The following ERC2 variants were observed in gnomAD, a reference collection of about 807,000 sequenced individuals.
The protein encoded by ERC2 is ELKS/RAB6-interacting/CAST family member 2, also known as ERC protein 2.
In ERC2, 42 loss-of-function variants were observed where a neutral mutation model predicts 114.8. The observed-to-expected ratio is 0.37, with a 90% CI of 0.29 to 0.47. The LOEUF (loss-of-function observed/expected upper bound fraction) is 0.47, where lower values mean the gene tolerates loss of function less well. Among genes scored for constraint, ERC2 ranks in the 20% least tolerant of loss-of-function variants. The probability of loss-of-function intolerance (pLI) is 0.99; values close to 1 mark genes in which losing one functional copy is unlikely to be tolerated. For synonymous variants in ERC2, 454 were observed against 425.5 expected (o/e 1.07, Z -0.82); for missense variants, 939 against 1,150.7 (o/e 0.82, Z 2.66).
chr3:55,913,120 A>G (rs1431719143), intron 13 of ERC2, among the ~76,000 whole-genome samples: 5 of 152,104 alleles, frequency 3.3e-5, no homozygotes, highest in African/African-American at 1.2e-4. Flanking sequence ...TGAGTAGCTA[A>G]GACTATGGGT....
intron 17 of ERC2, among the ~76,000 whole-genome samples, chr3:55,639,474 T>C (rs1294141514): frequency 6.6e-6 from 1 of 151,490 alleles, no homozygotes; most frequent in Non-Finnish European, 1.5e-5. Context: ...AGAGAAAGTA[T>C]AGGCTGGAGA....
chr3:56,301,179 A>C (rs916236417), intron 2 of ERC2, among the ~76,000 whole-genome samples: 5 of 152,236 alleles, frequency 3.3e-5, no homozygotes, highest in African/African-American at 9.6e-5. Flanking sequence ...ATTAAGAAGC[A>C]AAATCTATTT....
At chr3:56,205,401 A>C (rs2048662497) in intron 3 of ERC2, among the ~76,000 whole-genome samples, 1 of 152,140 alleles carries the variant, frequency 6.6e-6, no homozygotes, top group Non-Finnish European at 1.5e-5. Flanking sequence ...AATTTGGGTC[A>C]CTGGAGTGCA....
intron 6 of ERC2, among the ~76,000 whole-genome samples, chr3:56,096,125 T>C (rs1576913239): frequency 1.3e-5 from 2 of 152,284 alleles, no homozygotes; most frequent in East Asian, 1.9e-4. Flanking sequence ...AGAGATAAAG[T>C]AGAGACAATC....
intron 3 of ERC2, among the ~76,000 whole-genome samples, chr3:56,210,437 C>A (rs982957684): frequency 3.9e-5 from 6 of 152,120 alleles, no homozygotes; most frequent in African/African-American, 1.2e-4. Context: ...TTGAGGGAAT[C>A]CATATAGGTG....
chr3:55,813,604 T>A (rs533704677), intron 14 of ERC2, among the ~76,000 whole-genome samples: 1 of 152,336 alleles, frequency 6.6e-6, no homozygotes, highest in East Asian at 1.9e-4. Context: ...ACAAGGTGAC[T>A]GGGAACTGTC....
intron 6 of ERC2, among the ~76,000 whole-genome samples, chr3:56,111,435 G>C (rs528130784): frequency 6.7e-6 from 1 of 150,118 alleles, no homozygotes; most frequent in South Asian, 2.1e-4. Flanking sequence ...TCTCTCACCA[G>C]CTCCAAGAGT....
At chr3:56,256,735 T>A (rs2052542276) in intron 3 of ERC2, among the ~76,000 whole-genome samples, 1 of 152,144 alleles carries the variant, frequency 6.6e-6, no homozygotes, top group African/African-American at 2.4e-5. Flanking sequence ...TTCCCCCATG[T>A]GGTTTTCATG....
chr3:55,684,914 GA>G (rs1327027406), intron 16 of ERC2, among the ~76,000 whole-genome samples: 2 of 151,688 alleles, frequency 1.3e-5, no homozygotes, highest in Non-Finnish European at 2.9e-5. Context: ...AGGAATAGAA[GA>G]AAAAAAATAA....
intron 1 of ERC2, among the ~76,000 whole-genome samples, chr3:56,437,691 T>C (rs2062086950): frequency 6.6e-6 from 1 of 152,220 alleles, no homozygotes; most frequent in South Asian, 2.1e-4. Context: ...AAAAACCATT[T>C]TGTATCTAAG....
At chr3:56,255,609 G>C (rs1003372565) in intron 3 of ERC2, among the ~76,000 whole-genome samples, 2 of 152,130 alleles carry the variant, frequency 1.3e-5, no homozygotes, top group Non-Finnish European at 1.5e-5. Flanking sequence ...GAAATTTCTG[G>C]ATCTGAGGAG....
chr3:55,824,921 A>G (rs1035836895), intron 14 of ERC2, among the ~76,000 whole-genome samples: 1 of 152,204 alleles, frequency 6.6e-6, no homozygotes, highest in Non-Finnish European at 1.5e-5. Flanking sequence ...ATTACAGAAC[A>G]TGTTCATTCA....
intron 2 of ERC2, among the ~76,000 whole-genome samples, chr3:56,334,311 G>A (rs772102901): frequency 6.6e-5 from 10 of 152,196 alleles, no homozygotes; most frequent in Non-Finnish European, 8.8e-5. Context: ...GGCAAGGGCT[G>A]GAGAAGTAGG....
At chr3:56,328,917 G>T (rs1207021660) in intron 2 of ERC2, among the ~76,000 whole-genome samples, 1 of 152,228 alleles carries the variant, frequency 6.6e-6, no homozygotes, top group Admixed American at 6.5e-5. Context: ...AGGAGCATCT[G>T]CTCTGAGAGC....
In ERC2 at chr3:55,814,361, G is replaced by A. The variant is rs527494551; in HGVS notation, c.2564+74028C>T. ...ATTTTGCAGGTAAGAAAACCAAGAC[G>A]AGTCAAGTTTATAAATTGCTGGAGA... On this transcript the variant is annotated intron_variant, in intron 14 of 17. Coordinates refer to ENST00000288221, the MANE Select transcript of ERC2 (RefSeq NM_015576.3). Among the ~76,000 whole-genome samples, 13 of 152,282 alleles carry A rather than the reference G, an allele frequency of 8.5e-5. No individual in the cohort carries two copies. In the South Asian group the frequency reaches 1.7e-3, roughly 19 times the overall value.
intron 7 of ERC2, 32 bp from the exon 8 acceptor site, chr3:56,019,063 T>G (rs761297733): frequency 1.3e-6 from 2 of 1,545,554 alleles, no homozygotes; most frequent in Non-Finnish European, 1.8e-6. Flanking sequence ...TTAATGCATA[T>G]TTGATTACAT....
intron 3 of ERC2, chr3:56,185,017 T>C (rs969621262): frequency 6.6e-6 from 1 of 152,282 alleles, no homozygotes; most frequent in Admixed American, 6.5e-5. Flanking sequence ...AAAGAACAAA[T>C]TGGGCCAATC....
chr3:56,214,585 G>C (rs981511055), intron 3 of ERC2, among the ~76,000 whole-genome samples: 1 of 152,016 alleles, frequency 6.6e-6, no homozygotes, highest in African/African-American at 2.4e-5. Context: ...TATTATCCAG[G>C]AGAACTTCCC....
chr3:55,905,604 T>C (rs1350482495), intron 13 of ERC2, among the ~76,000 whole-genome samples: 4 of 152,124 alleles, frequency 2.6e-5, no homozygotes, highest in African/African-American at 9.7e-5. Flanking sequence ...CCTATAAGCA[T>C]TGACTTCCAA....
Sources: gnomAD v4.1 joint callset for allele counts (sites outside exome capture counted in the v4.1 genomes callset) on GRCh38, gnomAD v4.1.1 for gene constraint, MANE v1.5 for transcripts, NCBI Gene and HGNC (gene_info 2026-07-23, HGNC 2026-07-21) for gene names.